KIAA1328: variants seen among roughly 807,000 people sequenced by gnomAD.
The protein encoded by KIAA1328 is protein hinderin.
KIAA1328 carries 52 observed loss-of-function variants against 68.1 expected under a neutral mutation model. The observed-to-expected ratio is 0.76, with a 90% confidence interval of 0.61 to 0.96. The LOEUF (loss-of-function observed/expected upper bound fraction) is 0.96, where lower values mean the gene tolerates loss of function less well. Among genes scored for constraint, KIAA1328 ranks in the 40% least tolerant of loss-of-function variants. The pLI is 0.00. For synonymous variants in KIAA1328, 232 were observed against 239.4 expected (o/e 0.97, Z 0.28); for missense variants, 641 against 677.6 (o/e 0.95, Z 0.60).
chr18:37,047,183 G>T (rs1042896438), intron 6 of KIAA1328, among the ~76,000 whole-genome samples: 8 of 152,114 alleles, frequency 5.3e-5, no homozygotes, highest in African/African-American at 1.9e-4. Context: ...CTTGCAGATT[G>T]GAACATTTTA....
chr18:36,833,201 G>A (rs961563724), intron 1 of KIAA1328: 3 of 152,222 alleles, frequency 2.0e-5, no homozygotes, highest in African/African-American at 7.2e-5. Context: ...GCAGATAGTA[G>A]CGGGAGGTAG....
downstream of KIAA1328, among the ~76,000 whole-genome samples, chr18:37,229,408 A>G (rs1481721090): frequency 6.6e-6 from 1 of 152,176 alleles, no homozygotes; most frequent in African/African-American, 2.4e-5. Flanking sequence ...GTATACATCT[A>G]TGCACACCTA....
chr18:37,099,646 C>T (rs899186528), intron 7 of KIAA1328, among the ~76,000 whole-genome samples: 20 of 152,058 alleles, frequency 1.3e-4, no homozygotes, highest in African/African-American at 2.4e-4. Context: ...CTTTCTGTCT[C>T]GTTGATCTGT....
intron 9 of KIAA1328, among the ~76,000 whole-genome samples, chr18:37,181,145 A>G (rs2059692000): frequency 6.6e-6 from 1 of 152,200 alleles, no homozygotes; most frequent in South Asian, 2.1e-4. Context: ...ACACAAAGTA[A>G]CATTAACCAT....
Position 37,222,458 on chromosome 18 carries a change from A to G in KIAA1328, c.*231A>G. On this transcript the variant is annotated 3_prime_UTR_variant, in exon 10 of 10. Transcript: ENST00000280020. ...GTAGGAATGGAAGATGGTATCTTTT[A>G]TATGCTAAACAGATTAGAAAATTAA... 1 of 1,373,916 alleles carries G rather than the reference A, an allele frequency of 7.3e-7. No homozygotes were observed. The highest frequency in any genetic ancestry group is 2.9e-5 in the East Asian group (1 of 34,520). The allele number at this position is 1,373,916 out of a possible 1,614,324, so 85.1% of individuals were successfully genotyped here. A position where few individuals can be genotyped will look rare whatever the true frequency, so the allele number is the denominator to read the frequency against.
intron 5 of KIAA1328, among the ~76,000 whole-genome samples, chr18:36,892,830 T>C (rs1051118702): frequency 3.9e-5 from 6 of 152,332 alleles, no homozygotes; most frequent in Middle Eastern, 3.4e-3. Flanking sequence ...TTTATTGTTG[T>C]CTAAACTATT....
chr18:36,942,248 A>G (rs967038840), intron 5 of KIAA1328, among the ~76,000 whole-genome samples: 2 of 152,218 alleles, frequency 1.3e-5, no homozygotes, highest in African/African-American at 4.8e-5. Context: ...TTGGTCAGCT[A>G]GATGTAGTTT....
At chr18:36,838,883 C>T (rs1278062409) in intron 3 of KIAA1328, among the ~76,000 whole-genome samples, 3 of 152,038 alleles carry the variant, frequency 2.0e-5, no homozygotes, top group African/African-American at 2.4e-5. Flanking sequence ...TACGGGCGTG[C>T]ACCGCCACAC....
chr18:36,944,668 T>G (rs2050836052), intron 5 of KIAA1328, among the ~76,000 whole-genome samples: 2 of 151,632 alleles, frequency 1.3e-5, no homozygotes, highest in African/African-American at 4.9e-5. Context: ...TAATGATGGG[T>G]AAAGAAAAGG....
intron 7 of KIAA1328, among the ~76,000 whole-genome samples, chr18:37,096,092 T>C (rs537156094): frequency 2.2e-4 from 34 of 152,190 alleles, no homozygotes; most frequent in Non-Finnish European, 4.4e-4. Flanking sequence ...CTTTTTTTTT[T>C]TCTACTTTAA....
At chr18:36,870,139 G>A (rs2047897609) in intron 4 of KIAA1328, among the ~76,000 whole-genome samples, 1 of 152,130 alleles carries the variant, frequency 6.6e-6, no homozygotes, top group African/African-American at 2.4e-5. Flanking sequence ...TGGAATTACA[G>A]GTGTGAGCCC....
intron 7 of KIAA1328, among the ~76,000 whole-genome samples, chr18:37,094,553 A>G (rs2057352089): frequency 1.3e-5 from 2 of 152,318 alleles, no homozygotes; most frequent in South Asian, 4.1e-4. Flanking sequence ...CACAGGTATA[A>G]CAGTCACTAA....
At position 37,040,389 on chromosome 18, in the gene KIAA1328, C is replaced by G. The variant is rs117954496; in HGVS notation, c.577-26501C>G. 7.3e-3 allele frequency among the ~76,000 whole-genome samples: 1,108 copies of G among 152,212 alleles called. 11 individuals are homozygous for G. The highest frequency in any genetic ancestry group is 0.011 in the Non-Finnish European group (718 of 68,002). On this transcript the variant is annotated intron_variant, in intron 6 of 9. Coordinates refer to ENST00000280020, the MANE Select transcript of KIAA1328 (RefSeq NM_020776.3). The stretch of plus-strand genomic sequence containing the variant: ...CATGTATTTTCCATAGTATTTCTTT[C>G]AATTTCTATAAGGTCAGCAGTCTGA...
intron 6 of KIAA1328, among the ~76,000 whole-genome samples, chr18:36,966,839 T>G (rs1035821002): frequency 1.3e-5 from 2 of 152,192 alleles, no homozygotes; most frequent in Non-Finnish European, 2.9e-5. Flanking sequence ...CCCAAATTGA[T>G]CTGTAGATTT....
intron 7 of KIAA1328, among the ~76,000 whole-genome samples, chr18:37,091,172 C>A (rs934512447): frequency 6.6e-6 from 1 of 152,122 alleles, no homozygotes; most frequent in African/African-American, 2.4e-5. Context: ...TCACCCAGAA[C>A]TCACTTCCTC....
intron 4 of KIAA1328, among the ~76,000 whole-genome samples, chr18:36,875,958 T>C (rs2048108749): frequency 6.6e-6 from 1 of 152,162 alleles, no homozygotes; most frequent in African/African-American, 2.4e-5. Context: ...GTTTGTGTGA[T>C]GGATTACATT....
chr18:36,997,879 T>G (rs2053450660), intron 6 of KIAA1328, among the ~76,000 whole-genome samples: 1 of 152,150 alleles, frequency 6.6e-6, no homozygotes, highest in African/African-American at 2.4e-5. Context: ...GGGCATGGGC[T>G]ACCACTACCA....
intron 1 of KIAA1328, among the ~76,000 whole-genome samples, chr18:36,830,120 G>A (rs1041794047): frequency 1.3e-5 from 2 of 152,168 alleles, no homozygotes; most frequent in African/African-American, 4.8e-5. Context: ...AGGCGTTGCT[G>A]TTACCTTTGG....
At chr18:37,001,350 T>C (rs1490351741) in intron 6 of KIAA1328, among the ~76,000 whole-genome samples, 1 of 152,112 alleles carries the variant, frequency 6.6e-6, no homozygotes, top group Non-Finnish European at 1.5e-5. Context: ...AACAGACTTA[T>C]AATGTTGAGC....
Sources: gnomAD v4.1 joint callset for allele counts (sites outside exome capture counted in the v4.1 genomes callset) on GRCh38, gnomAD v4.1.1 for gene constraint, MANE v1.5 for transcripts, NCBI Gene and HGNC (gene_info 2026-07-23, HGNC 2026-07-21) for gene names.